The following TMCO5A variants were observed in gnomAD, a reference collection of about 807,000 sequenced individuals.
The protein encoded by TMCO5A is transmembrane and coiled-coil domain-containing protein 5A.
A neutral mutation model predicts 42.3 loss-of-function variants in TMCO5A; 34 were observed. The ratio of observed to expected loss-of-function variants is 0.80; its 90% confidence interval spans 0.61 to 1.07. TMCO5A has a LOEUF of 1.07. Among genes scored for constraint, TMCO5A ranks in the 50% least tolerant of loss-of-function variants. TMCO5A has a pLI of 0.00. For missense variants in TMCO5A, 357 were observed against 327.9 expected (o/e 1.09, Z -0.69); for synonymous variants, 131 against 115.6 (o/e 1.13, Z -0.86).
the TMCO5A span, among the ~76,000 whole-genome samples, chr15:37,977,387 T>A: frequency 2.0e-5 from 3 of 152,194 alleles, no homozygotes; most frequent in Non-Finnish European, 4.4e-5. Flanking sequence ...TCTGTTGTCT[T>A]CATTTCTGGA....
chr15:37,946,560 C>T lies in TMCO5A; in HGVS notation c.628-1096C>T, dbSNP rs1235365740. On this transcript the variant is annotated intron_variant, in intron 10 of 11. Transcript: ENST00000319669. ...CTTTCAGCGATGGTTTGTAGTTCTC[C>T]TTGAAGGAGTCTTTCACTTCCCTTG... 2.6e-5 allele frequency among the ~76,000 whole-genome samples: 4 copies of T among 151,978 alleles called. No individual in the cohort carries two copies. The East Asian group carries it at 5.8e-4, about 22-fold the overall frequency.
chr15:38,014,013 C>T, the TMCO5A span, among the ~76,000 whole-genome samples: 2 of 152,158 alleles, frequency 1.3e-5, no homozygotes, highest in Admixed American at 6.5e-5. Context: ...TGCTCTCTGA[C>T]CCCTGCTTCT....
chr15:37,978,468 T>C, the TMCO5A span, among the ~76,000 whole-genome samples: 2 of 152,138 alleles, frequency 1.3e-5, no homozygotes, highest in Non-Finnish European at 2.9e-5. Flanking sequence ...TGGTGAAGAC[T>C]AGGGGGTGGG....
downstream of TMCO5A, among the ~76,000 whole-genome samples, chr15:37,972,629 G>T (rs917568504): frequency 6.6e-6 from 1 of 151,966 alleles, no homozygotes; most frequent in Non-Finnish European, 1.5e-5. Flanking sequence ...TTTTAATGGG[G>T]TTGTTTTTTT....
At chr15:37,943,219 C>T (rs1403461000) in intron 9 of TMCO5A, 122 bp from the exon 10 acceptor site, 1 of 766,088 alleles carries the variant, frequency 1.3e-6, no homozygotes, top group Non-Finnish European at 2.0e-6. Context: ...TATAGGTAGA[C>T]AGTAGTTACA....
chr15:38,004,761 G>A, the TMCO5A span: 2 of 152,230 alleles, frequency 1.3e-5, no homozygotes, highest in Non-Finnish European at 2.9e-5. Flanking sequence ...AGGGAGAAGT[G>A]ATGGAGGCGA....
chr15:37,949,076 A>C (rs1458951344), intron 11 of TMCO5A, among the ~76,000 whole-genome samples: 1 of 152,020 alleles, frequency 6.6e-6, no homozygotes, highest in Non-Finnish European at 1.5e-5. Context: ...AATACAGGAA[A>C]GAAATGGGGA....
chr15:37,972,377 C>A (rs1485684530), downstream of TMCO5A, among the ~76,000 whole-genome samples: 2 of 152,150 alleles, frequency 1.3e-5, no homozygotes, highest in Non-Finnish European at 2.9e-5. Context: ...GGGGACACAG[C>A]CAAACCATAT....
At chr15:38,031,797 C>T in the TMCO5A span, among the ~76,000 whole-genome samples, 1 of 152,124 alleles carries the variant, frequency 6.6e-6, no homozygotes, top group Non-Finnish European at 1.5e-5. Flanking sequence ...AGCCACTGAG[C>T]TCTAGAGTAA....
the TMCO5A span, among the ~76,000 whole-genome samples, chr15:38,004,265 G>A: frequency 1.4e-4 from 21 of 152,012 alleles, no homozygotes; most frequent in Non-Finnish European, 2.6e-4. Flanking sequence ...TACTATGGCT[G>A]AGTGGATATC....
At chr15:37,984,629 C>T in the TMCO5A span, 1 of 149,022 alleles carries the variant, frequency 6.7e-6, no homozygotes, top group Non-Finnish European at 1.5e-5. Context: ...CAAGGCAGGG[C>T]CTTTGGGAGG....
At chr15:37,940,718 C>A (rs1033445848) in intron 6 of TMCO5A, among the ~76,000 whole-genome samples, 4 of 152,046 alleles carry the variant, frequency 2.6e-5, no homozygotes, top group South Asian at 2.1e-4. Flanking sequence ...TCCAGCATAG[C>A]AGCTGATATA....
intron 11 of TMCO5A, among the ~76,000 whole-genome samples, chr15:37,958,047 C>G (rs982197148): frequency 7.9e-5 from 12 of 152,068 alleles, no homozygotes; most frequent in Admixed American, 2.6e-4. Flanking sequence ...ATGTAGAAAG[C>G]TGAAACTGGA....
chr15:37,973,584 T>G, the TMCO5A span, among the ~76,000 whole-genome samples: 1 of 152,176 alleles, frequency 6.6e-6, no homozygotes. Context: ...TTGGCTATTG[T>G]GCATTGCCCA....
rs137874466 is a variant in TMCO5A, at chr15:37,936,501, A to G, written c.140+38A>G. 1.3e-3 allele frequency: 2,141 copies of G among 1,589,938 alleles called. 31 individuals carry two copies. In the African/African-American group the frequency reaches 0.025, roughly 18 times the overall value. ...GTTTCATGAGGGAAGTTCCCAATCC[A>G]AAGAAGGGGTGGAGGACCAAAACCA... On this transcript the variant is annotated intron_variant, in intron 3 of 11. Coordinates refer to ENST00000319669, the MANE Select transcript of TMCO5A (RefSeq NM_152453.4).
At chr15:37,989,878 T>C in the TMCO5A span, among the ~76,000 whole-genome samples, 1 of 152,098 alleles carries the variant, frequency 6.6e-6, no homozygotes, top group Non-Finnish European at 1.5e-5. Context: ...ATGCCATTTT[T>C]CTAAGAGCAT....
the TMCO5A span, among the ~76,000 whole-genome samples, chr15:38,034,140 T>C: frequency 4.6e-5 from 7 of 152,200 alleles, no homozygotes; most frequent in East Asian, 9.7e-4. Context: ...GCAGAAAAGA[T>C]GGAAGGGCAA....
At chr15:38,003,717 A>T in the TMCO5A span, among the ~76,000 whole-genome samples, 1 of 151,890 alleles carries the variant, frequency 6.6e-6, no homozygotes, top group Non-Finnish European at 1.5e-5. Context: ...GGCTACCACC[A>T]TGTTCACTCA....
chr15:37,941,067 C>G (rs2140264987), intron 6 of TMCO5A, 82 bp from the exon 7 acceptor site: 1 of 1,368,062 alleles, frequency 7.3e-7, no homozygotes, highest in Non-Finnish European at 1.0e-6. Context: ...CCTCACAGCT[C>G]GTGAGGCCAC....
Sources: allele counts gnomAD v4.1 joint callset (sites outside exome capture counted in the v4.1 genomes callset), GRCh38; gene constraint gnomAD v4.1.1; transcripts MANE v1.5; gene names NCBI Gene and HGNC (gene_info 2026-07-23, HGNC 2026-07-21).